The following TUBGCP3 variants were observed in gnomAD, a reference collection of about 807,000 sequenced individuals.
TUBGCP3 encodes the protein gamma-tubulin complex component 3.
In TUBGCP3, 50 loss-of-function variants were observed where a neutral mutation model predicts 123.1. The ratio of observed to expected loss-of-function variants is 0.41; its 90% CI spans 0.32 to 0.51. TUBGCP3 has a LOEUF of 0.51. Among genes scored for constraint, TUBGCP3 ranks in the 20% least tolerant of loss-of-function variants. The pLI, the probability that TUBGCP3 is intolerant of heterozygous loss-of-function variation, is 0.36. For synonymous variants in TUBGCP3, 405 were observed against 413.9 expected, an observed-to-expected ratio of 0.98 and a Z score of 0.26; for missense variants, 882 against 1,127.0, an observed-to-expected ratio of 0.78 and a Z score of 3.11.
chr13:112,504,017 A>C lies in TUBGCP3; in HGVS notation c.2307+15T>G. 6.3e-7 allele frequency: 1 copy of C among 1,585,540 alleles called. No homozygotes were observed. ...TTCTTTTGGTTTCTTGTTTCTAAGC[A>C]GGTCGGAGTCTTACCCTGGAGTCAC... On this transcript the variant is annotated intron_variant, in intron 19 of 21. Coordinates refer to ENST00000261965, the MANE Select transcript of TUBGCP3 (RefSeq NM_006322.6).
chr13:112,500,435 G>A (rs943231556), intron 19 of TUBGCP3, among the ~76,000 whole-genome samples: 7 of 152,168 alleles, frequency 4.6e-5, no homozygotes, highest in Admixed American at 4.6e-4. Context: ...TGAAAAAGAA[G>A]CAAAGGCAGA....
intron 6 of TUBGCP3, among the ~76,000 whole-genome samples, 164 bp downstream of exon 6, chr13:112,555,888 C>T (rs1037952544): frequency 6.6e-6 from 1 of 152,140 alleles, no homozygotes; most frequent in Non-Finnish European, 1.5e-5. Context: ...AAGCCAAACT[C>T]CCCAAGGCGC....
chr13:112,505,881 G>A (rs554452114), intron 17 of TUBGCP3, among the ~76,000 whole-genome samples: 8 of 152,288 alleles, frequency 5.3e-5, no homozygotes, highest in Non-Finnish European at 7.4e-5. Flanking sequence ...GGAGGAGGAC[G>A]TACTACAGAG....
intron 11 of TUBGCP3, among the ~76,000 whole-genome samples, chr13:112,541,271 G>C (rs570020438): frequency 2.9e-4 from 44 of 152,334 alleles, no homozygotes; most frequent in Non-Finnish European, 5.7e-4. Flanking sequence ...GCCAGGCGTG[G>C]TGGCTCTCGC....
intron 1 of TUBGCP3, among the ~76,000 whole-genome samples, chr13:112,578,135 T>C (rs1881981751): frequency 6.6e-6 from 1 of 152,136 alleles, no homozygotes; most frequent in Admixed American, 6.5e-5. Context: ...TGACGCACCA[T>C]AATCTCAGCC....
chr13:112,579,946 G>C (rs1882164715), intron 1 of TUBGCP3, among the ~76,000 whole-genome samples: 1 of 152,236 alleles, frequency 6.6e-6, no homozygotes, highest in Admixed American at 6.5e-5. Context: ...ATGTCCCTCA[G>C]TGGTAAAATG....
At chr13:112,528,673 A>G (rs1877325068) in intron 11 of TUBGCP3, among the ~76,000 whole-genome samples, 1 of 152,166 alleles carries the variant, frequency 6.6e-6, no homozygotes, top group African/African-American at 2.4e-5. Flanking sequence ...GCCATTGTTT[A>G]TAGTATGGTC....
intron 5 of TUBGCP3, 49 bp from the exon 6 acceptor site, chr13:112,556,273 G>C (rs1194096587): frequency 1.3e-6 from 2 of 1,554,392 alleles, no homozygotes; most frequent in Admixed American, 3.6e-5. Context: ...TCGCTGAAGA[G>C]ACAAAAGTGT....
chr13:112,581,592 T>C (rs1882280227), intron 1 of TUBGCP3, among the ~76,000 whole-genome samples: 1 of 152,000 alleles, frequency 6.6e-6, no homozygotes, highest in African/African-American at 2.4e-5. Flanking sequence ...ACTACAGGTA[T>C]GTGTCACCAC....
In TUBGCP3 at chr13:112,554,107, TTC is replaced by T. The variant is rs756652234; in HGVS notation, c.914_915del (p.Arg305LysfsTer46). 6.2e-7 allele frequency: 1 copy of T among 1,614,166 alleles called. No individual in the cohort carries two copies. Among genetic ancestry groups the T allele is most frequent in the Non-Finnish European group, 8.5e-7 (1 of 1,180,024 alleles). On this transcript the variant is annotated frameshift_variant, in exon 8 of 22. Transcript: ENST00000261965. LOFTEE classifies it high-confidence loss of function. ...SELGWLHNKIRRYTDQRSLDR... is the reference protein window; with the variant it reads ...SELGWLHNKIXRYTDQRSLDR... ...TCCAGGCTCCTCTGGTCCGTGTATC[TTC>T]TGATTTTATTATGCAACCATCCCAA...
chr13:112,575,342 G>C (rs917126440), intron 1 of TUBGCP3, among the ~76,000 whole-genome samples: 1 of 152,124 alleles, frequency 6.6e-6, no homozygotes, highest in African/African-American at 2.4e-5. Flanking sequence ...TTTAGACTAA[G>C]AAAAATTAAC....
At chr13:112,520,147 C>A (rs1243170592) in intron 14 of TUBGCP3, 126 bp from the exon 15 acceptor site, 1 of 810,914 alleles carries the variant, frequency 1.2e-6, no homozygotes, top group Non-Finnish European at 1.8e-6. Flanking sequence ...GGGACCAATA[C>A]AATAATGCGG....
rs746377794 is a variant in TUBGCP3 at position 112,588,019 on chromosome 13, G to T, written c.-39C>A. 2 of 1,403,712 alleles carry T rather than the reference G, an allele frequency of 1.4e-6. No homozygotes were observed. The highest frequency in any genetic ancestry group is 1.9e-6 in the Non-Finnish European group (2 of 1,067,262). 87.0% of individuals were successfully genotyped at this position (1,403,712 alleles called of 1,614,324 possible). Reference sequence around the variant, plus strand: ...CGTGCACGGTGGTCCGGGCAGAGCCGCCACTGCCGCCGCACGCGCAGGGAC... The same window carrying T: ...CGTGCACGGTGGTCCGGGCAGAGCCTCCACTGCCGCCGCACGCGCAGGGAC... On this transcript the variant is annotated 5_prime_UTR_variant, in exon 1 of 22. Transcript: ENST00000261965.
intron 19 of TUBGCP3, among the ~76,000 whole-genome samples, chr13:112,501,105 A>G (rs1388368677): frequency 2.6e-5 from 4 of 152,236 alleles, no homozygotes; most frequent in Non-Finnish European, 5.9e-5. Flanking sequence ...GATTTGGCAA[A>G]TGATAGAAGG....
At position 112,527,496 on chromosome 13, in the gene TUBGCP3, G is replaced by T. The variant is rs775656065; in HGVS notation, c.1336-12C>A. 1 of 1,581,078 alleles carries T rather than the reference G, an allele frequency of 6.3e-7. No individual in the cohort carries two copies. Among genetic ancestry groups the T allele is most frequent in the African/African-American group, 1.3e-5 (1 of 74,292 alleles). ...GATGCTACAAAAAACTGAAAGCAAAGGGGCATGGAAATGTTCAAGAGTGAT... is the reference window on the plus strand; with the variant it reads ...GATGCTACAAAAAACTGAAAGCAAATGGGCATGGAAATGTTCAAGAGTGAT... On this transcript the variant is annotated splice_polypyrimidine_tract_variant and intron_variant, in intron 11 of 21. Transcript: ENST00000261965.
intron 3 of TUBGCP3, among the ~76,000 whole-genome samples, chr13:112,559,995 G>A (rs941520680): frequency 3.3e-5 from 5 of 152,100 alleles, no homozygotes; most frequent in Admixed American, 2.0e-4. Context: ...TTAGCCAGGC[G>A]TGGTATCACG....
At chr13:112,600,588 C>T in the TUBGCP3 span, among the ~76,000 whole-genome samples, 1 of 152,068 alleles carries the variant, frequency 6.6e-6, no homozygotes, top group African/African-American at 2.4e-5. Flanking sequence ...AAACCACTCT[C>T]CTTTCTGTTA....
In TUBGCP3 at chr13:112,547,686, G is replaced by T; in HGVS notation, c.1102C>A (p.Leu368Met). 6.3e-7 allele frequency: 1 copy of T among 1,585,066 alleles called. No individual in the cohort carries two copies. The highest frequency in any genetic ancestry group is 8.6e-7 in the Non-Finnish European group (1 of 1,163,274). The part of the protein sequence containing the change: ...LESSLTLRRL[L>M]VWTYDPKIRL... ...ATTTTGGGATCATAGGTCCAAACCA[G>T]GAGGCGCCGAAGTGTTAAACTACTC... The change falls in exon 10 of 22, where the codon CTG becomes ATG. Residue 368 changes from leucine to methionine, a missense_variant. Leu to Met is a conservative substitution (Grantham distance 15, BLOSUM62 2). This residue lies in a region of TUBGCP3 where 713 missense variants were observed against 874.0 expected (regional missense o/e 0.82). Coordinates refer to ENST00000261965, the MANE Select transcript of TUBGCP3 (RefSeq NM_006322.6).
upstream of TUBGCP3, among the ~76,000 whole-genome samples, chr13:112,590,132 ATG>A (rs1882855382): frequency 1.3e-5 from 2 of 152,056 alleles, no homozygotes; most frequent in African/African-American, 2.4e-5. Flanking sequence ...ACCCGCCACC[ATG>A]CCGGGCTAAT....
Sources: allele counts gnomAD v4.1 joint callset (sites outside exome capture counted in the v4.1 genomes callset), GRCh38; gene constraint gnomAD v4.1.1; regional missense constraint gnomAD v4.1.1; transcripts MANE v1.5; gene names NCBI Gene and HGNC (gene_info 2026-07-23, HGNC 2026-07-21).